SEH1L: variants seen among roughly 807,000 people sequenced by gnomAD.
The protein encoded by SEH1L is nucleoporin SEH1.
In SEH1L, 18 loss-of-function variants were observed where a neutral mutation model predicts 49.5. The observed-to-expected ratio is 0.36, with a 90% CI of 0.25 to 0.54. The LOEUF is 0.54. SEH1L is among the 20% of genes least tolerant of loss of function. The pLI, the probability that SEH1L is intolerant of heterozygous loss-of-function variation, is 0.87. For missense variants in SEH1L, 404 were observed against 528.8 expected (o/e 0.76, Z 2.31); for synonymous variants, 169 against 178.1 (o/e 0.95, Z 0.41).
chr18:12,968,148 T>G (rs2031535820), intron 4 of SEH1L, among the ~76,000 whole-genome samples: 1 of 152,196 alleles, frequency 6.6e-6, no homozygotes. Context: ...TGAGTGACTG[T>G]TACTGCTATT....
At chr18:12,948,305 G>A (rs1434524217) in intron 1 of SEH1L, 73 bp downstream of exon 1, 1 of 1,106,636 alleles carries the variant, frequency 9.0e-7, no homozygotes, top group Non-Finnish European at 1.4e-6. Context: ...CGCGGGGAAC[G>A]GGGCTGTGTC....
Position 12,982,564 on chromosome 18 carries a change from A to T in SEH1L, c.808A>T (p.Ile270Leu). The change falls in exon 7 of 9, where the codon ATA becomes TTA. Residue 270 changes from isoleucine (I) to leucine (L), a missense_variant. Ile to Leu is a conservative substitution (Grantham distance 5). Around this residue, in one of 3 missense-constraint regions of SEH1L, gnomAD observed 342 missense variants for 430.8 expected, o/e 0.79. Transcript: ENST00000399892. ...TGGGCCAACAAAGTTTGAAATCCAT[A>T]TAGTGGCTCAGTTCGATAATCATAA... ...SGGPTKFEIH[I>L]VAQFDNHNSQ... 1.2e-6 allele frequency: 2 copies of T among 1,613,920 alleles called. No homozygotes were observed. Among genetic ancestry groups the T allele is most frequent in the East Asian group, 2.2e-5 (1 of 44,872 alleles).
At chr18:12,953,092 T>G (rs2030646144) in intron 2 of SEH1L, among the ~76,000 whole-genome samples, 1 of 152,242 alleles carries the variant, frequency 6.6e-6, no homozygotes, top group South Asian at 2.1e-4. Context: ...TGGTTTATCC[T>G]TTCTAGAAAT....
intron 5 of SEH1L, chr18:12,971,452 G>A: frequency 2.7e-6 from 1 of 369,834 alleles, no homozygotes; most frequent in South Asian, 3.2e-5. Flanking sequence ...GGCCAATATG[G>A]TGAAACCCCG....
intron 1 of SEH1L, among the ~76,000 whole-genome samples, chr18:12,949,214 C>T (rs957999265): frequency 1.3e-5 from 2 of 151,536 alleles, no homozygotes; most frequent in Non-Finnish European, 2.9e-5. Context: ...ATTTAGGAAC[C>T]TCCCAGATGT....
At chr18:12,966,052 T>C (rs945720190) in intron 4 of SEH1L, among the ~76,000 whole-genome samples, 3 of 152,032 alleles carry the variant, frequency 2.0e-5, no homozygotes, top group Non-Finnish European at 2.9e-5. Context: ...TTGATTAATC[T>C]TACTTATCAC....
At chr18:12,959,226 A>G (rs974926902) in intron 3 of SEH1L, among the ~76,000 whole-genome samples, 1 of 152,164 alleles carries the variant, frequency 6.6e-6, no homozygotes, top group Non-Finnish European at 1.5e-5. Flanking sequence ...TTCTTTATAT[A>G]TTCTGGATAT....
At chr18:12,952,413 A>G (rs1479322751) in intron 2 of SEH1L, among the ~76,000 whole-genome samples, 1 of 151,754 alleles carries the variant, frequency 6.6e-6, no homozygotes, top group Non-Finnish European at 1.5e-5. Flanking sequence ...TTGTGTTTTT[A>G]GCAGAGATGG....
intron 8 of SEH1L, 196 bp downstream of exon 8, chr18:12,984,386 A>T: frequency 1.7e-6 from 1 of 604,106 alleles, no homozygotes; most frequent in South Asian, 2.1e-5. Flanking sequence ...TAGGTTATGA[A>T]GTCATTACAT....
chr18:12,986,941 C>G lies in SEH1L; in HGVS notation c.1150C>G (p.Pro384Ala). 12 of 1,613,952 alleles carry G rather than the reference C, an allele frequency of 7.4e-6. No homozygotes were observed. The highest frequency in any genetic ancestry group is 1.0e-5 in the Non-Finnish European group (12 of 1,179,886). Residue 384 changes from proline to alanine, a missense_variant, in exon 9 of 9, where the codon CCT becomes GCT. Pro to Ala is a conservative substitution (Grantham distance 27, BLOSUM62 -1). Coordinates refer to ENST00000399892, the MANE Select transcript of SEH1L (RefSeq NM_001013437.2). ...TGCCCAGCTCCTTCCTCCTCCTCCT[C>G]CTCCTCTGGTAGAGCACTCTTGCGA... is the stretch of plus-strand genomic sequence containing the variant. ...SYAQLLPPPP[P>A]PLVEHSCDAD...
intron 8 of SEH1L, chr18:12,986,329 C>T (rs1361654156): frequency 1.0e-6 from 1 of 985,414 alleles, no homozygotes; most frequent in African/African-American, 1.7e-5. Context: ...GGTAGCTATT[C>T]TAAGGCTTTT....
intron 8 of SEH1L, chr18:12,985,757 T>G: frequency 2.1e-6 from 2 of 952,624 alleles, no homozygotes; most frequent in Non-Finnish European, 1.3e-6. Context: ...TTTGTAGATT[T>G]GCTTTATCCA....
rs200122984 is a variant in SEH1L at position 12,984,374 on chromosome 18, G to T, written c.1070+184G>T. ...GGCTTACTTGGTCATAATATTTGCA[G>T]GTAGGTTATGAAGTCATTACATTAT... On this transcript the variant is annotated intron_variant, in intron 8 of 8. Coordinates refer to ENST00000399892, the MANE Select transcript of SEH1L (RefSeq NM_001013437.2). 4.4e-5 allele frequency: 28 copies of T among 637,532 alleles called. No individual in the cohort carries two copies. The East Asian group carries it at 7.1e-4, about 16-fold the overall frequency. 39.5% of individuals were successfully genotyped at this position (637,532 alleles called of 1,614,324 possible).
At chr18:12,948,499 G>A in intron 1 of SEH1L, 2 of 300,654 alleles carry the variant, frequency 6.7e-6, no homozygotes, top group Non-Finnish European at 1.2e-5. Flanking sequence ...CCCTCTCCCA[G>A]GCCGCGCTGC....
At chr18:12,961,962 G>T (rs936362991) in intron 3 of SEH1L, among the ~76,000 whole-genome samples, 3 of 152,164 alleles carry the variant, frequency 2.0e-5, no homozygotes, top group Non-Finnish European at 4.4e-5. Flanking sequence ...TACTGCACCT[G>T]AGCTTATTGA....
At chr18:12,957,146 G>A (rs1474522518) in intron 3 of SEH1L, among the ~76,000 whole-genome samples, 1 of 151,972 alleles carries the variant, frequency 6.6e-6, no homozygotes, top group Non-Finnish European at 1.5e-5. Flanking sequence ...TACTGTCCTC[G>A]GCCGGGTGCG....
At chr18:12,980,940 C>T (rs1222666218) in intron 6 of SEH1L, among the ~76,000 whole-genome samples, 33 of 149,850 alleles carry the variant, frequency 2.2e-4, no homozygotes, top group African/African-American at 7.1e-4. Flanking sequence ...ACCTCCCTCC[C>T]GGACGGGGTG....
Position 12,964,415 on chromosome 18 carries a change from C to T in SEH1L, c.521+1044C>T, listed in dbSNP as rs1022962364. Reference sequence around the variant, plus strand: ...TTATTCTGCTATTTTTCCACATGTTCTTGCTATGTTATCATTAAAGAATAT... The same window carrying T: ...TTATTCTGCTATTTTTCCACATGTTTTTGCTATGTTATCATTAAAGAATAT... On this transcript the variant is annotated intron_variant, in intron 4 of 8. Coordinates refer to ENST00000399892, the MANE Select transcript of SEH1L (RefSeq NM_001013437.2). 4.0e-5 allele frequency: 6 copies of T among 151,752 alleles called. 1 individual carries two copies. The highest frequency in any genetic ancestry group is 2.6e-4 in the Admixed American group (4 of 15,208). The allele number at this position is 151,752 out of a possible 1,614,324, so 9.4% of individuals were successfully genotyped here.
intron 5 of SEH1L, chr18:12,976,547 G>A (rs562797702): frequency 5.9e-5 from 9 of 152,360 alleles, no homozygotes; most frequent in African/African-American, 1.7e-4. Context: ...TGCAGCATGT[G>A]TGCTCTTAGC....
Sources: allele counts gnomAD v4.1 joint callset (sites outside exome capture counted in the v4.1 genomes callset), GRCh38; gene constraint gnomAD v4.1.1; regional missense constraint gnomAD v4.1.1; transcripts MANE v1.5; gene names NCBI Gene and HGNC (gene_info 2026-07-23, HGNC 2026-07-21).